Variants in ASIC2 observed in about 807,000 individuals in gnomAD.
ASIC2 encodes acid-sensing ion channel 2.
A neutral mutation model predicts 57.3 loss-of-function variants in ASIC2; 25 were observed. That is an observed-to-expected ratio of 0.44 (90% confidence interval 0.32 to 0.61). The LOEUF is 0.61. Ranked by LOEUF, ASIC2 falls within the 20% of genes least tolerant of loss-of-function variation. The pLI, the probability that ASIC2 is intolerant of heterozygous loss-of-function variation, is 0.06. For missense variants in ASIC2, 641 were observed against 738.1 expected, an observed-to-expected ratio of 0.87 and a Z score of 1.52; for synonymous variants, 319 against 307.5, an observed-to-expected ratio of 1.04 and a Z score of -0.39.
intron 1 of ASIC2, among the ~76,000 whole-genome samples, chr17:33,593,909 C>G (rs1402436765): frequency 6.6e-6 from 1 of 152,186 alleles, no homozygotes; most frequent in Non-Finnish European, 1.5e-5. Context: ...TTCCCTAGGC[C>G]TGCTAATAAA....
intron 1 of ASIC2, among the ~76,000 whole-genome samples, chr17:33,493,144 C>G (rs956079420): frequency 6.6e-6 from 1 of 152,076 alleles, no homozygotes; most frequent in Non-Finnish European, 1.5e-5. Context: ...GTCACTGGGC[C>G]CAGCAAACAA....
intron 1 of ASIC2, among the ~76,000 whole-genome samples, chr17:33,643,205 T>A (rs1178282381): frequency 6.6e-6 from 1 of 151,342 alleles, no homozygotes; most frequent in Non-Finnish European, 1.5e-5. Flanking sequence ...AATTATGACA[T>A]CTTGCCATTA....
chr17:33,237,976 A>T (rs1359043269), intron 1 of ASIC2, among the ~76,000 whole-genome samples: 1 of 152,124 alleles, frequency 6.6e-6, no homozygotes, highest in Non-Finnish European at 1.5e-5. Flanking sequence ...AATCCTTCCC[A>T]TGGAACTGGG....
chr17:33,323,525 C>T lies in ASIC2; in HGVS notation c.556-211458G>A, dbSNP rs146780771. Among the ~76,000 whole-genome samples, 423 of 152,276 alleles carry T rather than the reference C, an allele frequency of 2.8e-3. 10 individuals are homozygous for T. Among genetic ancestry groups the T allele is most frequent in the African/African-American group, 9.7e-3 (402 of 41,552 alleles). On this transcript the variant is annotated intron_variant, in intron 1 of 9. Coordinates refer to the ASIC2 transcript ENST00000359872. ...GTCAGGAGTTCAAGACCAACCTGGCCAACTTGGTGAAACCCCTGTCTCTAC... is the reference window on the plus strand; with the variant it reads ...GTCAGGAGTTCAAGACCAACCTGGCTAACTTGGTGAAACCCCTGTCTCTAC...
chr17:33,479,228 A>G (rs759183868), intron 1 of ASIC2, among the ~76,000 whole-genome samples: 20 of 151,954 alleles, frequency 1.3e-4, no homozygotes, highest in Non-Finnish European at 1.9e-4. Flanking sequence ...CAAACTCTCA[A>G]TCTCAGGTGA....
intron 3 of ASIC2, among the ~76,000 whole-genome samples, chr17:33,076,845 G>A (rs1002537580): frequency 1.3e-5 from 2 of 152,180 alleles, no homozygotes; most frequent in Admixed American, 6.5e-5. Flanking sequence ...GAACATTTAA[G>A]TTGTGTCTAA....
intron 1 of ASIC2, among the ~76,000 whole-genome samples, chr17:33,854,083 T>C (rs1207833112): frequency 6.6e-6 from 1 of 152,218 alleles, no homozygotes; most frequent in East Asian, 1.9e-4. Context: ...TCTGGTGCAA[T>C]ACATCTTCTA....
intron 1 of ASIC2, among the ~76,000 whole-genome samples, chr17:33,820,915 G>C (rs1025433614): frequency 6.6e-6 from 1 of 152,184 alleles, no homozygotes; most frequent in Non-Finnish European, 1.5e-5. Context: ...TTGCGTTATA[G>C]TTCTATCAGC....
intron 1 of ASIC2, among the ~76,000 whole-genome samples, chr17:33,715,116 C>T (rs964532032): frequency 1.8e-4 from 28 of 151,984 alleles, no homozygotes; most frequent in African/African-American, 5.8e-4. Flanking sequence ...CCTCTTGCCT[C>T]AGCCTCCTGA....
chr17:34,044,273 T>G (rs1908253216), intron 1 of ASIC2, among the ~76,000 whole-genome samples: 1 of 152,116 alleles, frequency 6.6e-6, no homozygotes, highest in South Asian at 2.1e-4. Context: ...TTAGCGTAAT[T>G]ATATCCCCAG....
Position 33,867,170 on chromosome 17 carries a change from A to G in ASIC2, c.555+288808T>C, listed in dbSNP as rs539876307. 5.8e-4 allele frequency among the ~76,000 whole-genome samples: 88 copies of G among 152,324 alleles called. 1 individual carries two copies. On this transcript the variant is annotated intron_variant, in intron 1 of 9. Transcript: ENST00000359872. ...GAACAAACACTTTCAAAAGTATCAG[A>G]AAGAGCTTCATAGAAAATTTTTTAG...
intron 1 of ASIC2, among the ~76,000 whole-genome samples, chr17:33,493,700 C>T (rs1913835032): frequency 6.6e-6 from 1 of 152,124 alleles, no homozygotes; most frequent in Non-Finnish European, 1.5e-5. Flanking sequence ...ATCGGTCTGC[C>T]CTTGCCTTGC....
chr17:33,493,339 T>A (rs140579663), intron 1 of ASIC2, among the ~76,000 whole-genome samples: 18 of 152,334 alleles, frequency 1.2e-4, no homozygotes, highest in Non-Finnish European at 2.4e-4. Context: ...TTTGAAATGA[T>A]GCTGTTGTAA....
chr17:33,029,583 C>A (rs898448361), intron 3 of ASIC2, among the ~76,000 whole-genome samples: 2 of 152,194 alleles, frequency 1.3e-5, no homozygotes, highest in Admixed American at 1.3e-4. Context: ...TGAAAAAACT[C>A]CTATGAATAT....
intron 1 of ASIC2, among the ~76,000 whole-genome samples, chr17:33,413,354 T>A (rs1305006912): frequency 1.3e-5 from 2 of 152,240 alleles, no homozygotes; most frequent in East Asian, 3.8e-4. Context: ...TTAGCACCAA[T>A]GAGTAACCAT....
At chr17:33,787,849 G>A (rs528585047) in intron 1 of ASIC2, among the ~76,000 whole-genome samples, 1 of 152,262 alleles carries the variant, frequency 6.6e-6, no homozygotes, top group South Asian at 2.1e-4. Context: ...GATTATGGGG[G>A]TGGATTTTTC....
chr17:34,123,758 G>C (rs1911694757), intron 1 of ASIC2, among the ~76,000 whole-genome samples: 1 of 152,164 alleles, frequency 6.6e-6, no homozygotes, highest in African/African-American at 2.4e-5. Flanking sequence ...GCTTGACCTG[G>C]ACTAGGGATC....
At chr17:34,114,615 A>C (rs1207632203) in intron 1 of ASIC2, among the ~76,000 whole-genome samples, 1 of 152,204 alleles carries the variant, frequency 6.6e-6, no homozygotes, top group East Asian at 1.9e-4. Context: ...GATGTACTAC[A>C]ATTTGCCCAA....
chr17:33,522,052 G>C (rs879479409), intron 1 of ASIC2, among the ~76,000 whole-genome samples: 2 of 152,166 alleles, frequency 1.3e-5, no homozygotes, highest in Non-Finnish European at 2.9e-5. Context: ...GGTGGGTTCC[G>C]GGGCTGCATA....
Sources: gnomAD v4.1 joint callset for allele counts (sites outside exome capture counted in the v4.1 genomes callset) on GRCh38, gnomAD v4.1.1 for gene constraint, MANE v1.5 for transcripts, NCBI Gene and HGNC (gene_info 2026-07-23, HGNC 2026-07-21) for gene names.